Variants in CACNA2D3 observed in about 807,000 individuals in gnomAD.
The protein encoded by CACNA2D3 is voltage-dependent calcium channel subunit alpha-2/delta-3.
CACNA2D3 carries 60 observed loss-of-function variants against 160.6 expected under a neutral mutation model. The observed-to-expected ratio is 0.37, with a 90% confidence interval of 0.30 to 0.46. The LOEUF is 0.46. Ranked by LOEUF, CACNA2D3 falls within the 20% of genes least tolerant of loss-of-function variation. CACNA2D3 has a pLI of 1.00. For missense variants in CACNA2D3, 1,205 were observed against 1,365.0 expected (o/e 0.88, Z 1.85); for synonymous variants, 558 against 492.9 (o/e 1.13, Z -1.75).
chr3:54,729,098 T>C (rs74758387), intron 11 of CACNA2D3, among the ~76,000 whole-genome samples: 1 of 152,280 alleles, frequency 6.6e-6, no homozygotes, highest in African/African-American at 2.4e-5. Flanking sequence ...TAATTCTAGA[T>C]TGCTGTTTCC....
At chr3:54,466,808 C>G (rs1188840778) in intron 4 of CACNA2D3, among the ~76,000 whole-genome samples, 4 of 152,088 alleles carry the variant, frequency 2.6e-5, no homozygotes, top group Non-Finnish European at 4.4e-5. Context: ...GGGTGTCCTT[C>G]AAAACTTTGG....
chr3:54,939,561 T>C (rs553363568), intron 27 of CACNA2D3, among the ~76,000 whole-genome samples: 1 of 152,176 alleles, frequency 6.6e-6, no homozygotes, highest in African/African-American at 2.4e-5. Context: ...TGGCCAGGGA[T>C]TGGGCAAAGT....
chr3:54,312,833 C>A (rs1489823706), intron 2 of CACNA2D3, among the ~76,000 whole-genome samples: 1 of 152,072 alleles, frequency 6.6e-6, no homozygotes, highest in Admixed American at 6.6e-5. Context: ...ACACAGAATG[C>A]GTTCTGCCTA....
At chr3:55,012,831 A>G (rs367794881) in intron 34 of CACNA2D3, among the ~76,000 whole-genome samples, 8 of 152,268 alleles carry the variant, frequency 5.3e-5, no homozygotes, top group Middle Eastern at 3.4e-3. Context: ...AGTAGGGGAC[A>G]GTGACTAAGG....
At position 55,002,628 on chromosome 3, in the gene CACNA2D3, C is replaced by A. The variant is rs73845245; in HGVS notation, c.2691-2135C>A. ...TTCGTTTCTGTTTGTGTAAACAAAG[C>A]TTCAAAGCTTCTTGCCTGCATCTGT... On this transcript the variant is annotated intron_variant, in intron 31 of 37. Transcript: ENST00000474759. 8.2e-3 allele frequency among the ~76,000 whole-genome samples: 1,256 copies of A among 152,326 alleles called. 17 individuals are homozygous for A. The highest frequency in any genetic ancestry group is 0.029 in the African/African-American group (1,201 of 41,582).
chr3:54,713,496 G>A (rs1189209720), intron 11 of CACNA2D3, among the ~76,000 whole-genome samples: 1 of 152,218 alleles, frequency 6.6e-6, no homozygotes, highest in Non-Finnish European at 1.5e-5. Flanking sequence ...GTAAGAGAAG[G>A]AGTGCTGTAT....
rs1015753890 is a variant in CACNA2D3, at chr3:54,292,572, A to G, written c.205-27870A>G. 2.6e-5 allele frequency among the ~76,000 whole-genome samples: 4 copies of G among 152,220 alleles called. No individual in the cohort carries two copies. The South Asian group carries it at 8.3e-4, about 31-fold the overall frequency. ...ACAAATGGCCAATAAGTACATGAAAAAAAATCCTGAAATAATTTGCCTCAG... is the reference window on the plus strand; with the variant it reads ...ACAAATGGCCAATAAGTACATGAAAGAAAATCCTGAAATAATTTGCCTCAG... On this transcript the variant is annotated intron_variant, in intron 2 of 37. Transcript: ENST00000474759.
intron 34 of CACNA2D3, among the ~76,000 whole-genome samples, chr3:55,017,045 A>G (rs1703340741): frequency 6.6e-6 from 1 of 152,248 alleles, no homozygotes; most frequent in Non-Finnish European, 1.5e-5. Context: ...TATATTTGGA[A>G]TGTAACATGA....
At chr3:55,068,277 A>G (rs1449250046) in intron 35 of CACNA2D3, among the ~76,000 whole-genome samples, 1 of 152,232 alleles carries the variant, frequency 6.6e-6, no homozygotes, top group East Asian at 1.9e-4. Flanking sequence ...GAGTTAATTT[A>G]AGGATGAGCC....
intron 8 of CACNA2D3, among the ~76,000 whole-genome samples, chr3:54,577,497 C>T (rs952347187): frequency 6.6e-6 from 1 of 152,186 alleles, no homozygotes; most frequent in African/African-American, 2.4e-5. Flanking sequence ...AGGACACATG[C>T]CCCTGTTCCA....
At chr3:55,033,574 ATG>A (rs201487813) in intron 35 of CACNA2D3, among the ~76,000 whole-genome samples, 14,556 of 120,004 alleles carry the variant, frequency 0.12, 904 homozygotes, top group African/African-American at 0.17. Flanking sequence ...CGTGTCATTT[ATG>A]TGTGTGTGTA....
chr3:54,762,951 G>A (rs1032677464), intron 12 of CACNA2D3, among the ~76,000 whole-genome samples: 3 of 152,098 alleles, frequency 2.0e-5, no homozygotes, highest in African/African-American at 7.2e-5. Context: ...AGCCGGGCGT[G>A]GTGGCGGGTG....
chr3:54,152,981 G>C (rs962757918), intron 2 of CACNA2D3, among the ~76,000 whole-genome samples: 2 of 152,192 alleles, frequency 1.3e-5, no homozygotes, highest in Non-Finnish European at 2.9e-5. Flanking sequence ...GGGCTTGGGA[G>C]AGCTTTATCA....
chr3:54,722,139 T>A (rs950517128), intron 11 of CACNA2D3, among the ~76,000 whole-genome samples: 1 of 152,236 alleles, frequency 6.6e-6, no homozygotes, highest in African/African-American at 2.4e-5. Flanking sequence ...AATCTTGTCT[T>A]CTTGCTTTAT....
intron 35 of CACNA2D3, among the ~76,000 whole-genome samples, chr3:55,066,548 G>A (rs1704640171): frequency 6.6e-6 from 1 of 152,164 alleles, no homozygotes. Context: ...CATGGTGATC[G>A]CTTTCATCAT....
At chr3:54,372,597 T>TA (rs946019025) in intron 3 of CACNA2D3, among the ~76,000 whole-genome samples, 47 of 151,852 alleles carry the variant, frequency 3.1e-4, no homozygotes, top group African/African-American at 4.4e-4. Flanking sequence ...GTCTTTTCTT[T>TA]AAAAAAAAAT....
intron 5 of CACNA2D3, among the ~76,000 whole-genome samples, chr3:54,517,479 C>A (rs1161024783): frequency 2.0e-5 from 3 of 152,184 alleles, no homozygotes; most frequent in Non-Finnish European, 4.4e-5. Context: ...GCCCCAGGGC[C>A]TCTTGTCCAC....
At position 54,639,570 on chromosome 3, in the gene CACNA2D3, G is replaced by A. The variant is rs561665351; in HGVS notation, c.1054-2558G>A. The A allele has an allele frequency of 1.1e-4, 21 of 195,716 alleles. 1 individual carries two copies. In the Admixed American group the frequency reaches 1.3e-3, roughly 12 times the overall value. The allele number at this position is 195,716 out of a possible 1,614,324, so 12.1% of individuals were successfully genotyped here. A position where few individuals can be genotyped will look rare whatever the true frequency, so the allele number is the denominator to read the frequency against. On this transcript the variant is annotated intron_variant, in intron 10 of 37. Transcript: ENST00000474759. ...AGAAAGAGGTTGAGGGATAGTGAGG[G>A]AGGTTGGAGAACAGAGTAAAAAGAG...
intron 27 of CACNA2D3, chr3:54,927,770 A>G: frequency 1.1e-6 from 1 of 943,616 alleles, no homozygotes; most frequent in South Asian, 1.4e-5. Context: ...CATTCCATGC[A>G]GAGACATTTT....
Sources: allele counts gnomAD v4.1 joint callset (sites outside exome capture counted in the v4.1 genomes callset), GRCh38; gene constraint gnomAD v4.1.1; transcripts MANE v1.5; gene names NCBI Gene and HGNC (gene_info 2026-07-23, HGNC 2026-07-21).